QTRT2: variants seen among roughly 807,000 people sequenced by gnomAD.
QTRT2 encodes the protein queuine tRNA-ribosyltransferase accessory subunit 2, also known as queuine tRNA-ribosyltransferase domain containing 1.
Under a neutral mutation model 44.8 loss-of-function variants are expected in QTRT2, and 32 were observed. The observed-to-expected ratio is 0.71, with a 90% CI of 0.54 to 0.96. The LOEUF (loss-of-function observed/expected upper bound fraction) is 0.96, where lower values mean the gene tolerates loss of function less well. Ranked by LOEUF, QTRT2 falls within the 40% of genes least tolerant of loss-of-function variation. QTRT2 has a pLI of 0.00. For synonymous variants in QTRT2, 182 were observed against 187.4 expected (o/e 0.97, Z 0.24); for missense variants, 461 against 503.1 (o/e 0.92, Z 0.80).
At chr3:114,058,895 T>G (rs182102563) in intron 2 of QTRT2, among the ~76,000 whole-genome samples, 1 of 152,350 alleles carries the variant, frequency 6.6e-6, no homozygotes, top group East Asian at 1.9e-4. Flanking sequence ...TTAAAAGTCC[T>G]TCAGTCATTT....
chr3:114,085,060 G>A (rs1480332000), intron 9 of QTRT2, among the ~76,000 whole-genome samples: 1 of 152,130 alleles, frequency 6.6e-6, no homozygotes, highest in East Asian at 1.9e-4. Context: ...CTAACATTAT[G>A]TGCTTTTACA....
At position 114,076,804 on chromosome 3, in the gene QTRT2, T is replaced by A. The variant is rs766596436; in HGVS notation, c.608T>A (p.Leu203Gln). ...GGTGGAGATGTGATGGAAGAGAGGCTGAGGTCAGCACGAGAGACAGCCAAG... is the reference window on the plus strand; with the variant it reads ...GGTGGAGATGTGATGGAAGAGAGGCAGAGGTCAGCACGAGAGACAGCCAAG... ...IEGGDVMEER[L>Q]RSARETAKRP... Residue 203 changes from leucine (L) to glutamine (Q), a missense_variant, in exon 7 of 10, where the codon CTG becomes CAG. Leu to Gln is a moderately radical substitution (Grantham distance 113). Coordinates refer to ENST00000281273, the MANE Select transcript of QTRT2 (RefSeq NM_024638.4). 1.9e-6 allele frequency: 3 copies of A among 1,614,214 alleles called. No individual in the cohort carries two copies. The highest frequency in any genetic ancestry group is 2.5e-6 in the Non-Finnish European group (3 of 1,180,032).
chr3:114,075,648 A>G (rs2077080651), intron 6 of QTRT2, among the ~76,000 whole-genome samples: 1 of 151,724 alleles, frequency 6.6e-6, no homozygotes, highest in Non-Finnish European at 1.5e-5. Context: ...AACTGGGACT[A>G]CAGGTGCATG....
intron 7 of QTRT2, chr3:114,078,440 GC>G (rs1375040478): frequency 1.4e-5 from 2 of 146,952 alleles, no homozygotes; most frequent in Admixed American, 1.3e-4. Flanking sequence ...TATTACATGA[GC>G]CTTTTTTTTT....
At chr3:114,075,743 A>G (rs984572465) in intron 6 of QTRT2, among the ~76,000 whole-genome samples, 4 of 152,004 alleles carry the variant, frequency 2.6e-5, no homozygotes, top group Non-Finnish European at 5.9e-5. Context: ...TCCTGACCTC[A>G]AGTGATCCAC....
chr3:114,087,914 T>C lies in QTRT2; in HGVS notation c.*2010T>C, dbSNP rs1274098556. On this transcript the variant is annotated 3_prime_UTR_variant, in exon 10 of 10. Coordinates refer to ENST00000281273, the MANE Select transcript of QTRT2 (RefSeq NM_024638.4). ...CACCTCCAGTATTGGGGATTACATTTCAACTTGAGGTTTGGGCGGGAACAA... is the reference window on the plus strand; with the variant it reads ...CACCTCCAGTATTGGGGATTACATTCCAACTTGAGGTTTGGGCGGGAACAA... 2 of 152,210 alleles carry C rather than the reference T, an allele frequency of 1.3e-5. No homozygotes were observed. Among genetic ancestry groups the C allele is most frequent in the Non-Finnish European group, 2.9e-5 (2 of 68,044 alleles). 9.4% of individuals were successfully genotyped at this position (152,210 alleles called of 1,614,324 possible). A position where few individuals can be genotyped will look rare whatever the true frequency, so the allele number is the denominator to read the frequency against.
At chr3:114,083,782 T>A (rs560628140) in intron 9 of QTRT2, among the ~76,000 whole-genome samples, 12 of 152,344 alleles carry the variant, frequency 7.9e-5, no homozygotes, top group Non-Finnish European at 1.6e-4. Context: ...GTCTACCGCA[T>A]TTGACTTCTT....
chr3:114,071,767 T>G (rs886781630), intron 6 of QTRT2, among the ~76,000 whole-genome samples: 3 of 152,234 alleles, frequency 2.0e-5, no homozygotes, highest in Admixed American at 1.3e-4. Context: ...CTTTGAATTC[T>G]TCTCTCTGCC....
At chr3:114,084,189 A>G (rs1027275315) in intron 9 of QTRT2, among the ~76,000 whole-genome samples, 2 of 152,030 alleles carry the variant, frequency 1.3e-5, no homozygotes, top group African/African-American at 4.8e-5. Flanking sequence ...CAGCCTCCCA[A>G]GTAGCTGGGA....
rs955936934 is a variant in QTRT2 at position 114,086,199 on chromosome 3, G to A, written c.*295G>A. 8.4e-6 allele frequency: 3 copies of A among 356,314 alleles called. No homozygotes were observed. Among genetic ancestry groups the A allele is most frequent in the Admixed American group, 7.8e-5 (2 of 25,522 alleles). The allele number at this position is 356,314 out of a possible 1,614,324, so 22.1% of individuals were successfully genotyped here. A position where few individuals can be genotyped will look rare whatever the true frequency, so the allele number is the denominator to read the frequency against. Reference sequence around the variant, plus strand: ...TCAAAGACAAAAGCTTTAACTGTGAGGGCACAGCCTTGAAGTGGGAGTGAT... The same window carrying A: ...TCAAAGACAAAAGCTTTAACTGTGAAGGCACAGCCTTGAAGTGGGAGTGAT... On this transcript the variant is annotated 3_prime_UTR_variant, in exon 10 of 10. Transcript: ENST00000281273.
At chr3:114,067,725 A>G (rs987851390) in intron 4 of QTRT2, among the ~76,000 whole-genome samples, 1 of 152,230 alleles carries the variant, frequency 6.6e-6, no homozygotes, top group South Asian at 2.1e-4. Flanking sequence ...TTCATTGTAT[A>G]TTGTGCTTTA....
At chr3:114,059,428 A>G (rs1045640983) in intron 2 of QTRT2, among the ~76,000 whole-genome samples, 1 of 152,224 alleles carries the variant, frequency 6.6e-6, no homozygotes, top group Non-Finnish European at 1.5e-5. Flanking sequence ...CTCTCAAAGC[A>G]TGTTTTTAAA....
chr3:114,066,797 C>T (rs1183277275), intron 4 of QTRT2, among the ~76,000 whole-genome samples: 1 of 152,058 alleles, frequency 6.6e-6, no homozygotes, highest in Admixed American at 6.5e-5. Flanking sequence ...TCTGACTCAG[C>T]GGTGAGAACT....
At chr3:114,071,275 A>C (rs949430567) in intron 6 of QTRT2, among the ~76,000 whole-genome samples, 7 of 152,030 alleles carry the variant, frequency 4.6e-5, no homozygotes, top group African/African-American at 1.7e-4. Flanking sequence ...CATTTATGGC[A>C]TCCACCAAGC....
chr3:114,064,554 AT>A (rs1480034989), intron 2 of QTRT2, among the ~76,000 whole-genome samples: 1 of 152,004 alleles, frequency 6.6e-6, no homozygotes, highest in Non-Finnish European at 1.5e-5. Context: ...GTGTATCTTT[AT>A]TTTTTTCTTT....
chr3:114,076,701 A>G lies in QTRT2; in HGVS notation c.547-42A>G, dbSNP rs756301618. On this transcript the variant is annotated intron_variant, in intron 6 of 9. Coordinates refer to ENST00000281273, the MANE Select transcript of QTRT2 (RefSeq NM_024638.4). ...TAAGGTTCATTTAAACAAAGGTCTCATACTGAAAATGGTTAAAAACATATC... is the reference window on the plus strand; with the variant it reads ...TAAGGTTCATTTAAACAAAGGTCTCGTACTGAAAATGGTTAAAAACATATC... 3.2e-6 allele frequency: 5 copies of G among 1,585,422 alleles called. No individual in the cohort carries two copies. The South Asian group carries it at 4.4e-5, about 14-fold the overall frequency.
rs763223283 is a variant in QTRT2, at chr3:114,065,235, AG to A, written c.-21del. ...CTATACTTAATGCTCTTTTCTTGAC[AG>A]GACCTAGAAGAATCCCTTAGGATGA... On this transcript the variant is annotated splice_acceptor_variant, in intron 2 of 9. Coordinates refer to ENST00000281273, the MANE Select transcript of QTRT2 (RefSeq NM_024638.4). LOFTEE classifies it low-confidence loss of function (5UTR_SPLICE). 1.2e-6 allele frequency: 2 copies of A among 1,609,254 alleles called. No homozygotes were observed. Among genetic ancestry groups the A allele is most frequent in the South Asian group, 2.2e-5 (2 of 90,950 alleles).
intron 2 of QTRT2, among the ~76,000 whole-genome samples, chr3:114,064,075 C>T (rs1276004911): frequency 6.6e-6 from 1 of 151,994 alleles, no homozygotes; most frequent in African/African-American, 2.4e-5. Context: ...GTCATCTGGG[C>T]ATGGCGGCAC....
In QTRT2 at chr3:114,075,669, C is replaced by T. The variant is rs569001260; in HGVS notation, c.547-1074C>T. On this transcript the variant is annotated intron_variant, in intron 6 of 9. Coordinates refer to ENST00000281273, the MANE Select transcript of QTRT2 (RefSeq NM_024638.4). ...GACTACAGGTGCATGCTGCCACACC[C>T]GGCTGATTTTTGTATTTTTAGTAGA... Among the ~76,000 whole-genome samples, 37 of 152,000 alleles carry T rather than the reference C, an allele frequency of 2.4e-4. No individual in the cohort carries two copies. The East Asian group carries it at 6.2e-3, about 25-fold the overall frequency.
Sources: gnomAD v4.1 joint callset for allele counts (sites outside exome capture counted in the v4.1 genomes callset) on GRCh38, gnomAD v4.1.1 for gene constraint, MANE v1.5 for transcripts, NCBI Gene and HGNC (gene_info 2026-07-23, HGNC 2026-07-21) for gene names.